The following LRRC37A2 variants were observed in gnomAD, a reference collection of about 807,000 sequenced individuals.
LRRC37A2 encodes leucine rich repeat containing 37 member A2.
Under a neutral mutation model 68.8 loss-of-function variants are expected in LRRC37A2, and 9 were observed. The ratio of observed to expected loss-of-function variants is 0.13; its 90% CI spans 0.08 to 0.23. The LOEUF (loss-of-function observed/expected upper bound fraction) is 0.23. LRRC37A2 is among the 10% of genes least tolerant of loss of function. The pLI is 1.00. For missense variants in LRRC37A2, 168 were observed against 950.4 expected (o/e 0.18, Z 10.82); for synonymous variants, 63 against 367.6 (o/e 0.17, Z 9.48).
chr17:46,834,971 CTCT>C, the LRRC37A2 span, among the ~76,000 whole-genome samples: 7 of 151,988 alleles, frequency 4.6e-5, no homozygotes, highest in African/African-American at 1.5e-4. Context: ...CCCTCAGTCT[CTCT>C]TCTTCTTCTC....
the LRRC37A2 span, among the ~76,000 whole-genome samples, chr17:46,769,528 C>T: frequency 6.6e-6 from 1 of 152,136 alleles, no homozygotes; most frequent in African/African-American, 2.4e-5. Flanking sequence ...GTGGGTGGCA[C>T]CTGATCCCAC....
the LRRC37A2 span, among the ~76,000 whole-genome samples, chr17:46,974,194 C>G: frequency 1.3e-5 from 2 of 152,244 alleles, no homozygotes; most frequent in African/African-American, 2.4e-5. Flanking sequence ...CGCATGGAAC[C>G]AGCTACCTGG....
At chr17:46,767,383 C>T in the LRRC37A2 span, among the ~76,000 whole-genome samples, 8 of 152,132 alleles carry the variant, frequency 5.3e-5, no homozygotes, top group African/African-American at 1.4e-4. Flanking sequence ...GCTTATATGC[C>T]GCTTCCCCCC....
At chr17:46,943,075 G>T in the LRRC37A2 span, among the ~76,000 whole-genome samples, 5 of 152,326 alleles carry the variant, frequency 3.3e-5, no homozygotes, top group South Asian at 1.0e-3. Flanking sequence ...ATTGGGAGTT[G>T]CCCAAGGCGA....
At chr17:46,606,135 C>T in the LRRC37A2 span, among the ~76,000 whole-genome samples, 2 of 35,978 alleles carry the variant, frequency 5.6e-5, no homozygotes, top group African/African-American at 1.6e-4. Context: ...GCCGAAATCA[C>T]GCCATTGCAC....
At chr17:46,728,954 A>T in the LRRC37A2 span, 1 of 1,408,834 alleles carries the variant, frequency 7.1e-7, no homozygotes, top group Non-Finnish European at 9.9e-7. Context: ...TACTACTAAT[A>T]AGGAATATTT....
At chr17:46,755,096 C>T in the LRRC37A2 span, among the ~76,000 whole-genome samples, 2 of 152,232 alleles carry the variant, frequency 1.3e-5, no homozygotes, top group African/African-American at 4.8e-5. Flanking sequence ...TCTTTTGGAA[C>T]CCAGTGTACA....
the LRRC37A2 span, among the ~76,000 whole-genome samples, chr17:46,724,316 T>G: frequency 6.6e-6 from 1 of 152,186 alleles, no homozygotes; most frequent in African/African-American, 2.4e-5. Context: ...ACAACAAAGT[T>G]TATTTTTTAT....
At chr17:47,009,608 CG>C in the LRRC37A2 span, among the ~76,000 whole-genome samples, 1 of 152,210 alleles carries the variant, frequency 6.6e-6, no homozygotes, top group African/African-American at 2.4e-5. Flanking sequence ...TCTACAGAGA[CG>C]CATTCATTCA....
At chr17:46,999,704 T>TAAGA in the LRRC37A2 span, among the ~76,000 whole-genome samples, 1 of 151,984 alleles carries the variant, frequency 6.6e-6, no homozygotes, top group Admixed American at 6.6e-5. Flanking sequence ...TCTTATTTAG[T>TAAGA]AAGAGTGCTG....
At chr17:46,914,187 T>A in the LRRC37A2 span, among the ~76,000 whole-genome samples, 1 of 152,088 alleles carries the variant, frequency 6.6e-6, no homozygotes, top group Admixed American at 6.5e-5. Context: ...TGGGACATAG[T>A]CACAGCTGGC....
At chr17:46,902,803 C>G in the LRRC37A2 span, among the ~76,000 whole-genome samples, 5 of 152,268 alleles carry the variant, frequency 3.3e-5, no homozygotes, top group East Asian at 9.6e-4. Context: ...ATCAGATACC[C>G]GTTCTCCCCT....
At chr17:47,017,709 C>A in the LRRC37A2 span, 1 of 1,611,032 alleles carries the variant, frequency 6.2e-7, no homozygotes, top group East Asian at 2.2e-5. Flanking sequence ...ATTATCCACA[C>A]CTCATAGTCA....
the LRRC37A2 span, among the ~76,000 whole-genome samples, chr17:46,816,475 G>GCACACACACA: frequency 2.2e-4 from 32 of 144,360 alleles, no homozygotes; most frequent in South Asian, 6.7e-4. Flanking sequence ...CAGAACACAC[G>GCACACACACA]CACACACACA....
chr17:46,962,520 T>C, the LRRC37A2 span, among the ~76,000 whole-genome samples: 2 of 152,106 alleles, frequency 1.3e-5, no homozygotes, highest in African/African-American at 4.8e-5. Flanking sequence ...ATTATTGAGG[T>C]CTGGAAACTG....
the LRRC37A2 span, among the ~76,000 whole-genome samples, chr17:46,747,217 G>A: frequency 6.6e-6 from 1 of 152,314 alleles, no homozygotes; most frequent in Non-Finnish European, 1.5e-5. Context: ...GGAAAAAGGG[G>A]CAAGTCATAG....
At chr17:46,753,048 T>C in the LRRC37A2 span, among the ~76,000 whole-genome samples, 45,763 of 152,130 alleles carry the variant, frequency 0.3, 7,620 homozygotes, top group East Asian at 0.6. Flanking sequence ...GGATTACAGG[T>C]GTGAGCCACT....
At chr17:46,918,009 C>T in the LRRC37A2 span, among the ~76,000 whole-genome samples, 1 of 152,216 alleles carries the variant, frequency 6.6e-6, no homozygotes, top group African/African-American at 2.4e-5. Flanking sequence ...CTTTTCTCTA[C>T]TAATTATTCT....
chr17:46,811,613 G>T, the LRRC37A2 span, among the ~76,000 whole-genome samples: 14 of 152,294 alleles, frequency 9.2e-5, no homozygotes, highest in Admixed American at 9.2e-4. Context: ...CCAGGCAGCA[G>T]CAGGACAGGG....
Sources: allele counts gnomAD v4.1 joint callset (sites outside exome capture counted in the v4.1 genomes callset), GRCh38; gene constraint gnomAD v4.1.1; transcripts MANE v1.5; gene names NCBI Gene and HGNC (gene_info 2026-07-23, HGNC 2026-07-21).